Variants in DNAH7 observed in about 807,000 individuals in gnomAD.
DNAH7 encodes the protein axonemal beta dynein heavy chain 7.
A neutral mutation model predicts 444.6 loss-of-function variants in DNAH7; 397 were observed. The observed-to-expected ratio is 0.89, with a 90% CI of 0.82 to 0.97. The LOEUF is 0.97. DNAH7 is among the 50% of genes least tolerant of loss of function. DNAH7 has a pLI of 0.00. For missense variants in DNAH7, 4,902 were observed against 4,800.8 expected (o/e 1.02, Z -0.62); for synonymous variants, 1,636 against 1,624.4 (o/e 1.01, Z -0.17).
At chr2:195,800,482 C>A (rs1008555129) in intron 54 of DNAH7, among the ~76,000 whole-genome samples, 1 of 151,986 alleles carries the variant, frequency 6.6e-6, no homozygotes, top group Admixed American at 6.6e-5. Flanking sequence ...GTCTTTTATG[C>A]AAAAAAGAAA....
At chr2:196,034,861 A>T (rs1243869136) in intron 5 of DNAH7, among the ~76,000 whole-genome samples, 1 of 152,204 alleles carries the variant, frequency 6.6e-6, no homozygotes, top group African/African-American at 2.4e-5. Flanking sequence ...TGTATCATGC[A>T]TGTAAACGTA....
rs890091945 is a variant in DNAH7, at chr2:195,737,835, CAAA to C, written c.*83_*85del. 1.7e-6 allele frequency: 2 copies of C among 1,189,242 alleles called. No homozygotes were observed. Among genetic ancestry groups the C allele is most frequent in the African/African-American group, 1.6e-5 (1 of 63,076 alleles). The allele number at this position is 1,189,242 out of a possible 1,614,324, so 73.7% of individuals were successfully genotyped here. On this transcript the variant is annotated 3_prime_UTR_variant, in exon 65 of 65. Coordinates refer to ENST00000312428, the MANE Select transcript of DNAH7 (RefSeq NM_018897.3). ...CTTTAGTCAAATGTATTTAAACAAA[CAAA>C]AAAAAAGGTTTAAGTAGTAAAATAT... is the stretch of plus-strand genomic sequence containing the variant.
At position 195,911,800 on chromosome 2, in the gene DNAH7, T is replaced by C. The variant is rs151200041; in HGVS notation, c.3936-1605A>G. 2.8e-3 allele frequency among the ~76,000 whole-genome samples: 427 copies of C among 152,266 alleles called. 3 individuals carry two copies. The highest frequency in any genetic ancestry group is 9.7e-3 in the African/African-American group (403 of 41,554). ...AGAAGCATTTTTAGACAAAGACTGA[T>C]AGAGCTCATTACTTGCAGAGCCTCC... On this transcript the variant is annotated intron_variant, in intron 24 of 64. Coordinates refer to ENST00000312428, the MANE Select transcript of DNAH7 (RefSeq NM_018897.3).
chr2:195,874,173 G>A (rs1465008832), intron 38 of DNAH7, among the ~76,000 whole-genome samples: 1 of 152,156 alleles, frequency 6.6e-6, no homozygotes, highest in Non-Finnish European at 1.5e-5. Context: ...ACATCTTGAA[G>A]CGAATTTACC....
intron 17 of DNAH7, among the ~76,000 whole-genome samples, chr2:195,968,160 G>T (rs1029745162): frequency 6.6e-6 from 1 of 152,212 alleles, no homozygotes; most frequent in Non-Finnish European, 1.5e-5. Context: ...TAAGAGCCTA[G>T]GCCTGGACTT....
chr2:195,947,607 T>C (rs1228032787), intron 19 of DNAH7, among the ~76,000 whole-genome samples: 2 of 152,170 alleles, frequency 1.3e-5, no homozygotes, highest in African/African-American at 2.4e-5. Context: ...TTCATGTCCC[T>C]GTAAAGGACA....
chr2:195,971,347 C>T (rs1036670892), intron 16 of DNAH7, among the ~76,000 whole-genome samples: 2 of 152,144 alleles, frequency 1.3e-5, no homozygotes, highest in African/African-American at 4.8e-5. Context: ...TTCTGTGTGT[C>T]AGTCACTGTG....
rs940384767 is a variant in DNAH7 at position 196,068,824 on chromosome 2, C to T, written c.-113G>A. 11 of 1,371,574 alleles carry T rather than the reference C, an allele frequency of 8.0e-6. No individual in the cohort carries two copies. In the African/African-American group the frequency reaches 1.3e-4, roughly 16 times the overall value. The allele number at this position is 1,371,574 out of a possible 1,614,324, so 85.0% of individuals were successfully genotyped here. ...CTTGCAGCGGTCTCAGCTCCCTCCG[C>T]ACCAGAGCCGTCTAGCGTCCGGGCA... On this transcript the variant is annotated 5_prime_UTR_variant, in exon 1 of 65. Transcript: ENST00000312428.
chr2:195,868,641 T>C (rs775440781), intron 40 of DNAH7, among the ~76,000 whole-genome samples: 49 of 150,762 alleles, frequency 3.3e-4, no homozygotes, highest in Non-Finnish European at 4.7e-4. Context: ...TTTTATCCCA[T>C]TCTATATATT....
At chr2:195,841,540 A>C (rs1698684043) in intron 47 of DNAH7, among the ~76,000 whole-genome samples, 1 of 151,984 alleles carries the variant, frequency 6.6e-6, no homozygotes, top group Non-Finnish European at 1.5e-5. Context: ...AGTTTAACAA[A>C]TATACCAACA....
chr2:195,877,574 T>C (rs1305328379), intron 36 of DNAH7, among the ~76,000 whole-genome samples: 1 of 152,190 alleles, frequency 6.6e-6, no homozygotes, highest in East Asian at 1.9e-4. Flanking sequence ...ATTAAGCAAA[T>C]GGAAATTCTG....
intron 50 of DNAH7, 31 bp from the exon 51 acceptor site, chr2:195,816,994 A>G: frequency 6.7e-7 from 1 of 1,489,620 alleles, no homozygotes; most frequent in Non-Finnish European, 9.0e-7. Context: ...CTTAGAAGAA[A>G]AAGAAGTCAT....
Position 195,754,365 on chromosome 2 carries a change from G to T in DNAH7, c.11736C>A (p.Asp3912Glu), listed in dbSNP as rs754734828. The T allele has an allele frequency of 5.0e-6, 8 of 1,613,896 alleles. No individual in the cohort carries two copies. Among genetic ancestry groups the T allele is most frequent in the Non-Finnish European group, 6.8e-6 (8 of 1,179,882 alleles). ...LLGFDYEVME[D>E]KEYKHPPEDG... The stretch of plus-strand genomic sequence containing the variant: ...CCTCAGGAGGATGCTTGTATTCTTT[G>T]TCTTCCATCACTTCATAGTCAAACC... Residue 3912 changes from aspartate to glutamate, a missense_variant, in exon 63 of 65, where the codon GAC becomes GAA. By Grantham distance (45) the Asp-to-Glu change is conservative (BLOSUM62 2). Transcript: ENST00000312428.
Position 195,972,502 on chromosome 2 carries a change from C to T in DNAH7, c.1834-36G>A, listed in dbSNP as rs370595944. On this transcript the variant is annotated intron_variant, in intron 15 of 64. Coordinates refer to ENST00000312428, the MANE Select transcript of DNAH7 (RefSeq NM_018897.3). ...ACAAAAATTACAGGTGACATTTTAACGAACAGCTCATGTCACGAAACAGCC... is the reference window on the plus strand; with the variant it reads ...ACAAAAATTACAGGTGACATTTTAATGAACAGCTCATGTCACGAAACAGCC... 1.6e-4 allele frequency: 242 copies of T among 1,496,390 alleles called. 1 individual carries two copies. The highest frequency in any genetic ancestry group is 2.1e-4 in the Non-Finnish European group (223 of 1,073,350). 92.7% of individuals were successfully genotyped at this position (1,496,390 alleles called of 1,614,324 possible).
intron 25 of DNAH7, among the ~76,000 whole-genome samples, chr2:195,909,159 T>C (rs1041600651): frequency 1.3e-5 from 2 of 152,070 alleles, no homozygotes; most frequent in Non-Finnish European, 2.9e-5. Context: ...GTGACAAAAT[T>C]ATCTGTACAC....
intron 57 of DNAH7, among the ~76,000 whole-genome samples, chr2:195,793,759 C>T (rs543182439): frequency 7.0e-4 from 106 of 152,242 alleles, no homozygotes; most frequent in African/African-American, 2.4e-3. Flanking sequence ...CATAACCCCT[C>T]TTAAAAAGAA....
chr2:195,873,679 G>A lies in DNAH7; in HGVS notation c.6302C>T (p.Pro2101Leu). 1 of 1,527,826 alleles carries A rather than the reference G, an allele frequency of 6.5e-7. No homozygotes were observed. The highest frequency in any genetic ancestry group is 2.5e-5 in the East Asian group (1 of 40,180). The allele number at this position is 1,527,826 out of a possible 1,614,324, so 94.6% of individuals were successfully genotyped here. Residue 2101 changes from proline to leucine, a missense_variant, in exon 39 of 65, where the codon CCA becomes CTA. Coordinates refer to ENST00000312428, the MANE Select transcript of DNAH7 (RefSeq NM_018897.3). The stretch of plus-strand genomic sequence containing the variant: ...ATGTCGCATGTATCGAGGAGTTACT[G>A]GATTTCGACCACCACCTAAATATTA... ...AMGPPGGGRN[P>L]VTPRYMRHFN...
At chr2:196,019,608 G>A (rs1457571599) in intron 8 of DNAH7, among the ~76,000 whole-genome samples, 1 of 152,104 alleles carries the variant, frequency 6.6e-6, no homozygotes, top group African/African-American at 2.4e-5. Flanking sequence ...ACAGCAGCCA[G>A]CTATCTCTCA....
Position 195,922,248 on chromosome 2 carries a change from T to C in DNAH7, c.3826-51A>G, listed in dbSNP as rs377266977. On this transcript the variant is annotated intron_variant, in intron 23 of 64. Transcript: ENST00000312428. ...TTAAACAATAAAATTGTAAATAATA[T>C]GAAATCTCAAGCTCTTTAATAAGTA... 248 of 1,101,952 alleles carry C rather than the reference T, an allele frequency of 2.3e-4. 1 individual carries two copies. The highest frequency in any genetic ancestry group is 3.3e-4 in the Non-Finnish European group (238 of 730,196). The allele number at this position is 1,101,952 out of a possible 1,614,324, so 68.3% of individuals were successfully genotyped here.
Sources: allele counts gnomAD v4.1 joint callset (sites outside exome capture counted in the v4.1 genomes callset), GRCh38; gene constraint gnomAD v4.1.1; transcripts MANE v1.5; gene names NCBI Gene and HGNC (gene_info 2026-07-23, HGNC 2026-07-21).